The following RXFP1 variants were observed in gnomAD, a reference collection of about 807,000 sequenced individuals.
RXFP1 encodes the protein relaxin family peptide receptor 1, also known as relaxin receptor 1.
A neutral mutation model predicts 89.8 loss-of-function variants in RXFP1; 73 were observed. The observed-to-expected ratio is 0.81, with a 90% confidence interval of 0.67 to 0.99. The LOEUF is 0.99. Ranked by LOEUF, RXFP1 falls within the 50% of genes least tolerant of loss-of-function variation. The probability of loss-of-function intolerance (pLI) is 0.00; values close to 1 mark genes in which losing one functional copy is unlikely to be tolerated. For synonymous variants in RXFP1, 277 were observed against 305.5 expected (o/e 0.91, Z 0.97); for missense variants, 793 against 895.5 (o/e 0.89, Z 1.46).
intron 1 of RXFP1, among the ~76,000 whole-genome samples, chr4:158,528,238 G>T (rs1314884231): frequency 6.6e-6 from 1 of 152,112 alleles, no homozygotes; most frequent in Non-Finnish European, 1.5e-5. Context: ...AGTGTCTCAT[G>T]CCTATAATCC....
At chr4:158,550,167 C>G (rs927671256) in intron 1 of RXFP1, among the ~76,000 whole-genome samples, 30 of 152,238 alleles carry the variant, frequency 2.0e-4, no homozygotes, top group African/African-American at 7.0e-4. Context: ...GGCCCTCCCC[C>G]AGCCTCTCTG....
At chr4:158,596,239 A>G (rs978832114) in intron 3 of RXFP1, among the ~76,000 whole-genome samples, 1 of 150,646 alleles carries the variant, frequency 6.6e-6, no homozygotes, top group African/African-American at 2.4e-5. Context: ...TTCTTTTATC[A>G]TATATTGTTT....
At chr4:158,626,110 ATATAGAT>A (rs1766655782) in intron 9 of RXFP1, among the ~76,000 whole-genome samples, 1 of 108,210 alleles carries the variant, frequency 9.2e-6, no homozygotes, top group African/African-American at 6.7e-5. Context: ...TTAGATATCT[ATATAGAT>A]AGATAGATAG....
chr4:158,552,475 T>C (rs1446046543), intron 1 of RXFP1, among the ~76,000 whole-genome samples: 3 of 152,114 alleles, frequency 2.0e-5, no homozygotes, highest in Non-Finnish European at 2.9e-5. Flanking sequence ...TCCTAGACCC[T>C]CAAAAACTTT....
chr4:158,637,773 T>G lies in RXFP1; in HGVS notation c.972-235T>G, dbSNP rs149766975. ...ATTCATCTATTTCACTTTTGTTGCC[T>G]ATATTTTTGGGGCAATATCCAAAAA... On this transcript the variant is annotated intron_variant, in intron 12 of 17. Coordinates refer to ENST00000307765, the MANE Select transcript of RXFP1 (RefSeq NM_021634.4). 3.2e-3 allele frequency among the ~76,000 whole-genome samples: 481 copies of G among 152,306 alleles called. 6 individuals carry two copies. The highest frequency in any genetic ancestry group is 0.011 in the African/African-American group (464 of 41,570).
intron 1 of RXFP1, among the ~76,000 whole-genome samples, chr4:158,569,575 T>TA (rs1212908633): frequency 1.3e-5 from 2 of 152,234 alleles, no homozygotes; most frequent in Non-Finnish European, 2.9e-5. Context: ...CTAATAGCTA[T>TA]AAAAAATAAG....
chr4:158,633,492 A>C lies in RXFP1; in HGVS notation c.971+16A>C. On this transcript the variant is annotated intron_variant, in intron 12 of 17. Coordinates refer to ENST00000307765, the MANE Select transcript of RXFP1 (RefSeq NM_021634.4). ...TGTCACAATTGTAAGACTGATGTTA[A>C]TTTTGCCACCTCGTTTCTTTATTTT... 6.7e-7 allele frequency: 1 copy of C among 1,486,816 alleles called. No individual in the cohort carries two copies. Among genetic ancestry groups the C allele is most frequent in the Middle Eastern group, 1.8e-4 (1 of 5,622 alleles). The allele number at this position is 1,486,816 out of a possible 1,614,324, so 92.1% of individuals were successfully genotyped here.
intron 12 of RXFP1, among the ~76,000 whole-genome samples, chr4:158,637,378 C>T (rs1216580655): frequency 6.6e-6 from 1 of 152,110 alleles, no homozygotes; most frequent in Non-Finnish European, 1.5e-5. Context: ...CAAGGGGCAA[C>T]CTTTTCTTCA....
chr4:158,551,608 A>G (rs1750142731), intron 1 of RXFP1, among the ~76,000 whole-genome samples: 1 of 152,218 alleles, frequency 6.6e-6, no homozygotes, highest in African/African-American at 2.4e-5. Context: ...ATTGTACACC[A>G]TAAATATGTA....
At chr4:158,522,099 C>T in intron 1 of RXFP1, 74 bp downstream of exon 1, 1 of 826,238 alleles carries the variant, frequency 1.2e-6, no homozygotes, top group Non-Finnish European at 1.9e-6. Flanking sequence ...ATGTTTACTC[C>T]TTATATTTAT....
chr4:158,527,108 A>C (rs1742695933), intron 1 of RXFP1, among the ~76,000 whole-genome samples: 2 of 152,208 alleles, frequency 1.3e-5, no homozygotes, highest in Non-Finnish European at 2.9e-5. Flanking sequence ...ACAGCAGATA[A>C]TCTGATACAT....
intron 1 of RXFP1, among the ~76,000 whole-genome samples, chr4:158,538,463 G>A (rs1387670790): frequency 1.3e-5 from 2 of 152,188 alleles, no homozygotes; most frequent in African/African-American, 4.8e-5. Context: ...TAAAAGATGA[G>A]AGAATGCAAA....
At chr4:158,535,252 A>G (rs1238391856) in intron 1 of RXFP1, among the ~76,000 whole-genome samples, 1 of 152,158 alleles carries the variant, frequency 6.6e-6, no homozygotes, top group African/African-American at 2.4e-5. Context: ...ATGCTTGGAG[A>G]TGAAGTTAGA....
chr4:158,626,147 GATA>G (rs1766745989), intron 9 of RXFP1, among the ~76,000 whole-genome samples: 2 of 149,544 alleles, frequency 1.3e-5, no homozygotes, highest in Non-Finnish European at 3.0e-5. Flanking sequence ...TAGATAGATA[GATA>G]GATAGATAGA....
intron 12 of RXFP1, among the ~76,000 whole-genome samples, chr4:158,635,848 C>CT (rs33987156): frequency 2.0e-5 from 3 of 150,934 alleles, no homozygotes; most frequent in South Asian, 2.1e-4. Flanking sequence ...TTTATTTCCT[C>CT]TTTTTTTTTA....
At chr4:158,542,109 A>ATATATATATATATTTTTTTTT in intron 1 of RXFP1, among the ~76,000 whole-genome samples, 1 of 35,252 alleles carries the variant, frequency 2.8e-5, no homozygotes, top group African/African-American at 9.3e-5. Flanking sequence ...ATATATATAT[A>ATATATATATATATTTTTTTTT]TTTTTTTTTT....
At chr4:158,543,888 A>G in intron 1 of RXFP1, 1 of 985,414 alleles carries the variant, frequency 1.0e-6, no homozygotes, top group African/African-American at 1.7e-5. Context: ...ATTTATTGGC[A>G]CATTCAAGAA....
intron 5 of RXFP1, among the ~76,000 whole-genome samples, 195 bp downstream of exon 5, chr4:158,605,334 A>G (rs892496299): frequency 6.6e-6 from 1 of 152,188 alleles, no homozygotes; most frequent in Non-Finnish European, 1.5e-5. Flanking sequence ...CCATTCTAGA[A>G]AAACCTCAGA....
intron 2 of RXFP1, among the ~76,000 whole-genome samples, chr4:158,579,810 A>C (rs923371111): frequency 6.6e-6 from 1 of 152,248 alleles, no homozygotes; most frequent in Admixed American, 6.5e-5. Context: ...AAACCTCCTA[A>C]AGATGATTTT....
Sources: gnomAD v4.1 joint callset for allele counts (sites outside exome capture counted in the v4.1 genomes callset) on GRCh38, gnomAD v4.1.1 for gene constraint, MANE v1.5 for transcripts, NCBI Gene and HGNC (gene_info 2026-07-23, HGNC 2026-07-21) for gene names.